ADGRV1: variants seen among roughly 807,000 people sequenced by gnomAD.
The protein encoded by ADGRV1 is adhesion G protein-coupled receptor V1.
In ADGRV1, 359 loss-of-function variants were observed where a neutral mutation model predicts 596.2. The observed-to-expected ratio is 0.60, with a 90% confidence interval of 0.55 to 0.66. The LOEUF is 0.66. ADGRV1 is among the 30% of genes least tolerant of loss of function. The probability of loss-of-function intolerance (pLI) is 0.00; values close to 1 mark genes in which losing one functional copy is unlikely to be tolerated. For synonymous variants in ADGRV1, 2,681 were observed against 2,679.2 expected (o/e 1.00, Z -0.02); for missense variants, 7,274 against 7,575.6 (o/e 0.96, Z 1.48).
chr5:90,932,331 G>A (rs1775322225), intron 83 of ADGRV1, among the ~76,000 whole-genome samples: 1 of 152,076 alleles, frequency 6.6e-6, no homozygotes, highest in Admixed American at 6.5e-5. Context: ...GTTTCCCAGG[G>A]TGTCCCGCTG....
At chr5:91,094,065 C>T (rs964098744) in intron 86 of ADGRV1, among the ~76,000 whole-genome samples, 1 of 151,834 alleles carries the variant, frequency 6.6e-6, no homozygotes, top group African/African-American at 2.4e-5. Flanking sequence ...TTCGCCAGGA[C>T]AGTCTCGAGC....
At chr5:90,728,139 G>T (rs1448311982) in intron 48 of ADGRV1, among the ~76,000 whole-genome samples, 1 of 152,164 alleles carries the variant, frequency 6.6e-6, no homozygotes, top group African/African-American at 2.4e-5. Context: ...ACATTGACCA[G>T]CTTGCCTTCA....
At chr5:91,139,959 G>C (rs1794960848) in intron 87 of ADGRV1, among the ~76,000 whole-genome samples, 1 of 152,188 alleles carries the variant, frequency 6.6e-6, no homozygotes, top group Non-Finnish European at 1.5e-5. Flanking sequence ...TGACCAGTCA[G>C]TTGTTCCTTG....
intron 50 of ADGRV1, among the ~76,000 whole-genome samples, chr5:90,736,716 G>T (rs544557380): frequency 1.3e-5 from 2 of 151,650 alleles, no homozygotes; most frequent in East Asian, 3.8e-4. Flanking sequence ...GTGTCTAGAC[G>T]TTTATTCATT....
chr5:90,728,701 G>A lies in ADGRV1; in HGVS notation c.10194G>A (p.Leu3398=). ...VFRWNGGSFV[L]HQKLPVRGVL... Reference sequence around the variant, plus strand: ...GGTGGAATGGAGGAAGCTTCGTGTTGCATCAAAAACTCCCTGTCCGAGGTG... The same window carrying A: ...GGTGGAATGGAGGAAGCTTCGTGTTACATCAAAAACTCCCTGTCCGAGGTG... Residue 3398 remains leucine, a synonymous_variant, in exon 49 of 90, where the codon TTG becomes TTA. Transcript: ENST00000405460. 1.2e-6 allele frequency: 2 copies of A among 1,612,012 alleles called. No individual in the cohort carries two copies. The highest frequency in any genetic ancestry group is 1.7e-4 in the Middle Eastern group (1 of 6,048).
At chr5:91,063,360 A>G (rs1218259743) in intron 85 of ADGRV1, among the ~76,000 whole-genome samples, 1 of 152,198 alleles carries the variant, frequency 6.6e-6, no homozygotes, top group Non-Finnish European at 1.5e-5. Flanking sequence ...GCCACAAAAT[A>G]TCTCGCTTTT....
intron 67 of ADGRV1, among the ~76,000 whole-genome samples, chr5:90,787,325 A>G (rs1230247231): frequency 6.6e-6 from 1 of 152,206 alleles, no homozygotes; most frequent in African/African-American, 2.4e-5. Flanking sequence ...CACTAGGAAT[A>G]TAAGTAGATT....
chr5:90,932,239 T>G (rs1775314765), intron 83 of ADGRV1, among the ~76,000 whole-genome samples: 1 of 152,136 alleles, frequency 6.6e-6, no homozygotes, highest in Non-Finnish European at 1.5e-5. Context: ...CCCATTTCAT[T>G]TTCGTGTAAA....
chr5:90,885,875 A>C (rs1770232325), intron 83 of ADGRV1, among the ~76,000 whole-genome samples: 2 of 150,822 alleles, frequency 1.3e-5, no homozygotes, highest in Admixed American at 1.3e-4. Flanking sequence ...AAAGGGAAGG[A>C]GGGAGAGAGG....
At chr5:91,042,399 A>G (rs979219655) in intron 85 of ADGRV1, among the ~76,000 whole-genome samples, 4 of 152,230 alleles carry the variant, frequency 2.6e-5, no homozygotes, top group Admixed American at 6.5e-5. Context: ...TCCCTTGGAC[A>G]TAAGGAGACA....
intron 85 of ADGRV1, among the ~76,000 whole-genome samples, chr5:91,018,015 T>G (rs941726787): frequency 2.0e-5 from 3 of 151,984 alleles, no homozygotes; most frequent in Admixed American, 6.6e-5. Context: ...TATATTATAT[T>G]GAGAGTATTC....
chr5:90,664,022 A>C (rs1770859815), intron 21 of ADGRV1, among the ~76,000 whole-genome samples: 3 of 139,792 alleles, frequency 2.1e-5, no homozygotes, highest in Non-Finnish European at 3.1e-5. Context: ...GTAGCCTTGT[A>C]GTATAGTTTG....
intron 33 of ADGRV1, among the ~76,000 whole-genome samples, chr5:90,696,674 A>G (rs1185335077): frequency 6.6e-6 from 1 of 152,068 alleles, no homozygotes; most frequent in African/African-American, 2.4e-5. Flanking sequence ...CTTTGAAACA[A>G]TTCTACCTTT....
intron 64 of ADGRV1, chr5:90,779,872 A>G (rs1156969299): frequency 6.6e-6 from 1 of 152,156 alleles, no homozygotes; most frequent in Non-Finnish European, 1.5e-5. Flanking sequence ...TTGCCTTTGT[A>G]ATGTGAATAT....
chr5:90,590,961 T>A (rs918134003), intron 1 of ADGRV1, among the ~76,000 whole-genome samples: 14 of 152,238 alleles, frequency 9.2e-5, no homozygotes, highest in African/African-American at 3.4e-4. Flanking sequence ...TTTTTAATTT[T>A]TAATTTTTGT....
chr5:90,821,038 C>T (rs1763446596), intron 75 of ADGRV1, among the ~76,000 whole-genome samples: 1 of 152,132 alleles, frequency 6.6e-6, no homozygotes, highest in Admixed American at 6.5e-5. Flanking sequence ...TTCTCCCCAT[C>T]ACTTTCAGGT....
intron 83 of ADGRV1, among the ~76,000 whole-genome samples, chr5:90,951,307 A>C (rs1282966871): frequency 5.3e-5 from 8 of 152,208 alleles, no homozygotes; most frequent in Non-Finnish European, 4.4e-5. Context: ...TTTTTTAAGT[A>C]ATACATGTTT....
rs2150077006 is a variant in ADGRV1, at chr5:90,778,032, G to A, written c.12655G>A (p.Val4219Ile). ...TMRDEQSAVI[V>I]VIQALNDDIP... The stretch of plus-strand genomic sequence containing the variant: ...GCGAGACGAACAGTCTGCAGTCATT[G>A]TAGTAATACAGGTATCAATATTAGC... Residue 4219 changes from valine to isoleucine, a missense_variant, in exon 62 of 90, where the codon GTA (valine) becomes ATA (isoleucine). By Grantham distance (29) the Val-to-Ile change is conservative. Coordinates refer to ENST00000405460, the MANE Select transcript of ADGRV1 (RefSeq NM_032119.4). 6.4e-7 allele frequency: 1 copy of A among 1,568,610 alleles called. No individual in the cohort carries two copies. The highest frequency in any genetic ancestry group is 2.3e-5 in the East Asian group (1 of 42,996).
At position 90,801,198 on chromosome 5, in the gene ADGRV1, T is replaced by A. The variant is rs542354261; in HGVS notation, c.14518-1541T>A. On this transcript the variant is annotated intron_variant, in intron 70 of 89. Coordinates refer to ENST00000405460, the MANE Select transcript of ADGRV1 (RefSeq NM_032119.4). ...TCCTAAAAACTTTCAAATTCATTTT[T>A]AAATTAATCTAACCTCTTTTCTTCT... 1.2e-4 allele frequency among the ~76,000 whole-genome samples: 18 copies of A among 152,286 alleles called. No homozygotes were observed. In the South Asian group the frequency reaches 1.9e-3, roughly 16 times the overall value.
Sources: allele counts gnomAD v4.1 joint callset (sites outside exome capture counted in the v4.1 genomes callset), GRCh38; gene constraint gnomAD v4.1.1; transcripts MANE v1.5; gene names NCBI Gene and HGNC (gene_info 2026-07-23, HGNC 2026-07-21).